The following MDGA2 variants were observed in gnomAD, a reference collection of about 807,000 sequenced individuals.
MDGA2 encodes the protein MAM domain-containing glycosylphosphatidylinositol anchor protein 2.
A neutral mutation model predicts 117.8 loss-of-function variants in MDGA2; 40 were observed. That is an observed-to-expected ratio of 0.34 (90% CI 0.26 to 0.44). The LOEUF (loss-of-function observed/expected upper bound fraction) is 0.44, where lower values mean the gene tolerates loss of function less well. Ranked by LOEUF, MDGA2 falls within the 20% of genes least tolerant of loss-of-function variation. The probability of loss-of-function intolerance (pLI) is 1.00; values close to 1 mark genes in which losing one functional copy is unlikely to be tolerated. For missense variants in MDGA2, 1,123 were observed against 1,250.6 expected, an observed-to-expected ratio of 0.90 and a Z score of 1.54; for synonymous variants, 452 against 439.0, an observed-to-expected ratio of 1.03 and a Z score of -0.37.
chr14:47,283,670 C>A (rs1888575927), intron 2 of MDGA2, among the ~76,000 whole-genome samples: 1 of 152,162 alleles, frequency 6.6e-6, no homozygotes, highest in East Asian at 1.9e-4. Context: ...AATTCTCAAA[C>A]CCCATTTTCA....
rs535944556 is a variant in MDGA2 at position 47,377,306 on chromosome 14, G to A, written c.281-75756C>T. Among the ~76,000 whole-genome samples, 3 of 152,168 alleles carry A rather than the reference G, an allele frequency of 2.0e-5. No homozygotes were observed. In the South Asian group the frequency reaches 6.2e-4, roughly 31 times the overall value. ...TACAGCTCCCAGCATGAGTGATGCAGAAGACGGGTGATTTCTGCATTGCTA... is the reference window on the plus strand; with the variant it reads ...TACAGCTCCCAGCATGAGTGATGCAAAAGACGGGTGATTTCTGCATTGCTA... On this transcript the variant is annotated intron_variant, in intron 1 of 16. Transcript: ENST00000399232.
chr14:46,918,089 T>C (rs1022634951), intron 10 of MDGA2, among the ~76,000 whole-genome samples: 1 of 152,110 alleles, frequency 6.6e-6, no homozygotes, highest in African/African-American at 2.4e-5. Flanking sequence ...CAGCTAGTAA[T>C]GGGAAGTTAC....
At chr14:46,844,202 TAGG>T (rs1336350979) in intron 16 of MDGA2, among the ~76,000 whole-genome samples, 4 of 152,170 alleles carry the variant, frequency 2.6e-5, no homozygotes, top group African/African-American at 4.8e-5. Flanking sequence ...GTGGTGCAGA[TAGG>T]AGATTAGACC....
intron 15 of MDGA2, among the ~76,000 whole-genome samples, chr14:46,849,779 C>A (rs557724562): frequency 6.6e-6 from 1 of 151,802 alleles, no homozygotes; most frequent in East Asian, 1.9e-4. Flanking sequence ...ATTTTTATTT[C>A]CATCATTTCC....
At chr14:46,971,760 C>T (rs750983433) in intron 8 of MDGA2, among the ~76,000 whole-genome samples, 6 of 152,036 alleles carry the variant, frequency 3.9e-5, no homozygotes, top group Non-Finnish European at 7.4e-5. Flanking sequence ...GCTAAAAGAG[C>T]TATGTATAGA....
chr14:47,224,459 T>C (rs1341460095), intron 2 of MDGA2, among the ~76,000 whole-genome samples: 3 of 152,054 alleles, frequency 2.0e-5, no homozygotes, highest in Non-Finnish European at 4.4e-5. Flanking sequence ...ATTGTGTAGA[T>C]GCAACAAACT....
intron 1 of MDGA2, among the ~76,000 whole-genome samples, chr14:47,429,562 T>C (rs1407515943): frequency 6.6e-6 from 1 of 152,144 alleles, no homozygotes; most frequent in Non-Finnish European, 1.5e-5. Flanking sequence ...CATCTCTGCA[T>C]TGTGACTTAT....
At chr14:47,216,563 G>C (rs1008447051) in intron 3 of MDGA2, among the ~76,000 whole-genome samples, 3 of 151,976 alleles carry the variant, frequency 2.0e-5, no homozygotes, top group Non-Finnish European at 2.9e-5. Context: ...GCTTATAAAA[G>C]TTACAAACAA....
intron 8 of MDGA2, among the ~76,000 whole-genome samples, chr14:46,998,294 A>G (rs540246776): frequency 6.6e-6 from 1 of 152,198 alleles, no homozygotes; most frequent in African/African-American, 2.4e-5. Flanking sequence ...AACAGATGAA[A>G]AGAAAAAATA....
Position 47,307,691 on chromosome 14 carries a change from GA to G in MDGA2, c.281-6142del, listed in dbSNP as rs113956118. The stretch of plus-strand genomic sequence containing the variant: ...TGACAGAGAGATACTCTGTGGGGGG[GA>G]AAAAAAAAGGCAGGAAAAAAATATG... On this transcript the variant is annotated intron_variant, in intron 1 of 16. Coordinates refer to ENST00000399232, the MANE Select transcript of MDGA2 (RefSeq NM_001113498.3). Among the ~76,000 whole-genome samples, 489 of 150,064 alleles carry G rather than the reference GA, an allele frequency of 3.3e-3. 1 individual carries two copies. Among genetic ancestry groups the G allele is most frequent in the African/African-American group, 0.01 (410 of 40,952 alleles).
Position 46,869,241 on chromosome 14 carries a change from C to CTGATA in MDGA2, c.2752+4187_2752+4191dup, listed in dbSNP as rs767311974. Among the ~76,000 whole-genome samples the CTGATA allele has an allele frequency of 2.0e-5, 3 of 151,888 alleles. No individual in the cohort carries two copies. The South Asian group carries it at 6.2e-4, about 31-fold the overall frequency. ...ATGTATTCATAAGTGCCTTAATTTC[C>CTGATA]TGATATGATATGACCTTTACATTGC... On this transcript the variant is annotated intron_variant, in intron 14 of 16. Coordinates refer to ENST00000399232, the MANE Select transcript of MDGA2 (RefSeq NM_001113498.3).
At chr14:47,409,718 C>T (rs1453531187) in intron 1 of MDGA2, among the ~76,000 whole-genome samples, 2 of 152,000 alleles carry the variant, frequency 1.3e-5, no homozygotes, top group African/African-American at 4.8e-5. Context: ...GTTAAAGTCA[C>T]GTTCATATTA....
At chr14:47,019,455 AAAGT>A (rs1195123550) in intron 8 of MDGA2, among the ~76,000 whole-genome samples, 3 of 152,118 alleles carry the variant, frequency 2.0e-5, no homozygotes, top group African/African-American at 7.2e-5. Flanking sequence ...TTTGACATTA[AAAGT>A]AATGGCCAAA....
chr14:47,583,677 G>A (rs1470882799), intron 1 of MDGA2, among the ~76,000 whole-genome samples: 3 of 151,574 alleles, frequency 2.0e-5, no homozygotes, highest in Admixed American at 2.0e-4. Context: ...TCTGTATTTG[G>A]ATCTTGGATT....
At chr14:47,342,310 GTATA>G (rs1890654981) in intron 1 of MDGA2, among the ~76,000 whole-genome samples, 1 of 147,392 alleles carries the variant, frequency 6.8e-6, no homozygotes, top group African/African-American at 2.5e-5. Flanking sequence ...AAATATGTGT[GTATA>G]TATATTTATA....
intron 11 of MDGA2, 42 bp from the exon 12 acceptor site, chr14:46,877,551 G>T (rs1327099983): frequency 1.4e-6 from 2 of 1,421,832 alleles, no homozygotes; most frequent in Non-Finnish European, 1.9e-6. Flanking sequence ...AAAAAACAAT[G>T]TTAGCATGGC....
At chr14:47,074,321 C>T (rs1462292855) in intron 6 of MDGA2, among the ~76,000 whole-genome samples, 6 of 145,422 alleles carry the variant, frequency 4.1e-5, no homozygotes, top group Admixed American at 1.4e-4. Flanking sequence ...TTTTTTTGAA[C>T]GTGGAGTCTC....
At chr14:47,416,677 T>C (rs1488041908) in intron 1 of MDGA2, among the ~76,000 whole-genome samples, 1 of 152,112 alleles carries the variant, frequency 6.6e-6, no homozygotes, top group Non-Finnish European at 1.5e-5. Context: ...TGGAGGTAGG[T>C]ACACTCTCAG....
At chr14:47,403,401 C>T (rs1272379103) in intron 1 of MDGA2, among the ~76,000 whole-genome samples, 1 of 152,120 alleles carries the variant, frequency 6.6e-6, no homozygotes, top group Non-Finnish European at 1.5e-5. Context: ...CCCTTTTATG[C>T]TGTCTAGATG....
Sources: allele counts gnomAD v4.1 joint callset (sites outside exome capture counted in the v4.1 genomes callset), GRCh38; gene constraint gnomAD v4.1.1; transcripts MANE v1.5; gene names NCBI Gene and HGNC (gene_info 2026-07-23, HGNC 2026-07-21).